MPRIP: variants seen among roughly 807,000 people sequenced by gnomAD.
MPRIP encodes myosin phosphatase Rho-interacting protein.
In MPRIP, 59 loss-of-function variants were observed where a neutral mutation model predicts 234.9. That is an observed-to-expected ratio of 0.25 (90% CI 0.20 to 0.31). The LOEUF (loss-of-function observed/expected upper bound fraction) is 0.31, where lower values mean the gene tolerates loss of function less well. Ranked by LOEUF, MPRIP falls within the 10% of genes least tolerant of loss-of-function variation. MPRIP has a pLI of 1.00. For synonymous variants in MPRIP, 1,144 were observed against 1,263.9 expected (o/e 0.91, Z 2.01); for missense variants, 2,436 against 3,071.0 (o/e 0.79, Z 4.89).
intron 12 of MPRIP, 83 bp downstream of exon 12, chr17:17,150,316 C>T: frequency 9.8e-7 from 1 of 1,018,746 alleles, no homozygotes; most frequent in Non-Finnish European, 1.5e-6. Flanking sequence ...GCTGGGGGCA[C>T]TTCTGGACAG....
chr17:17,105,430 G>A (rs911015014), intron 3 of MPRIP, among the ~76,000 whole-genome samples: 3 of 152,140 alleles, frequency 2.0e-5, no homozygotes, highest in African/African-American at 7.2e-5. Context: ...ACTGGGTGGG[G>A]ACCCCTCCAT....
At chr17:17,056,516 G>A (rs2088701970) in intron 1 of MPRIP, among the ~76,000 whole-genome samples, 1 of 152,202 alleles carries the variant, frequency 6.6e-6, no homozygotes, top group Non-Finnish European at 1.5e-5. Flanking sequence ...GGAGCCCAGT[G>A]GGAGTTGGGG....
chr17:17,077,879 C>G, intron 2 of MPRIP, 132 bp from the exon 3 acceptor site: 1 of 854,616 alleles, frequency 1.2e-6, no homozygotes, highest in Admixed American at 1.9e-5. Flanking sequence ...TTTCCTGCCA[C>G]CTGCCCCAGA....
intron 12 of MPRIP, 138 bp downstream of exon 12, chr17:17,150,371 C>G: frequency 1.6e-6 from 1 of 632,792 alleles, no homozygotes; most frequent in Non-Finnish European, 2.8e-6. Flanking sequence ...TTCCCACTAC[C>G]CTTGACACCT....
intron 11 of MPRIP, among the ~76,000 whole-genome samples, chr17:17,148,256 T>C (rs757489175): frequency 6.6e-6 from 1 of 152,214 alleles, no homozygotes; most frequent in Non-Finnish European, 1.5e-5. Flanking sequence ...TTTGGTTGCA[T>C]GTGCATAGAA....
rs2144061506 is a variant in MPRIP, at chr17:17,078,919, CTG to C, written c.267+845_267+846del. Among the ~76,000 whole-genome samples, 1 of 152,300 alleles carries C rather than the reference CTG, an allele frequency of 6.6e-6. No individual in the cohort carries two copies. The highest frequency in any genetic ancestry group is 1.9e-4 in the East Asian group (1 of 5,186). Reference sequence around the variant, plus strand: ...TATGTGCAGCATTTTAAAATTGGGACTGTCCTGGAAAGCCTAGTCTCACTATG... The same window carrying C: ...TATGTGCAGCATTTTAAAATTGGGACTCCTGGAAAGCCTAGTCTCACTATG... On this transcript the variant is annotated intron_variant, in intron 3 of 23. Coordinates refer to ENST00000651222, the MANE Select transcript of MPRIP (RefSeq NM_001364716.4). The surrounding 1 kb of genome is among the most constrained non-coding windows in gnomAD (Gnocchi z 4.3).
intron 23 of MPRIP, chr17:17,181,542 A>C (rs2144714467): frequency 6.6e-6 from 1 of 152,362 alleles, no homozygotes; most frequent in East Asian, 1.9e-4. Flanking sequence ...GCTTGATTGA[A>C]AACTTAGCTT....
intron 19 of MPRIP, 53 bp downstream of exon 19, chr17:17,174,128 G>A (rs898689250): frequency 4.6e-5 from 74 of 1,594,254 alleles, no homozygotes; most frequent in Non-Finnish European, 6.3e-5. Context: ...TCAAGGTCAG[G>A]TAGACCCATA....
intron 3 of MPRIP, among the ~76,000 whole-genome samples, chr17:17,095,288 C>A (rs2089813470): frequency 1.3e-5 from 2 of 152,136 alleles, no homozygotes; most frequent in African/African-American, 4.8e-5. Flanking sequence ...TGAGTGGCGA[C>A]CCTTCAGAAG....
At position 17,143,687 on chromosome 17, in the gene MPRIP, G is replaced by A. The variant is rs370041719; in HGVS notation, c.1503+18G>A. On this transcript the variant is annotated intron_variant, in intron 9 of 23. Coordinates refer to ENST00000651222, the MANE Select transcript of MPRIP (RefSeq NM_001364716.4). The stretch of plus-strand genomic sequence containing the variant: ...CCGTGACGGTGAGCCCAGGCGCCGC[G>A]TCCTCCGGAGGCCGTGCTCCTCTGC... 2.0e-5 allele frequency: 31 copies of A among 1,530,290 alleles called. No individual in the cohort carries two copies. The highest frequency in any genetic ancestry group is 9.6e-5 in the African/African-American group (7 of 72,664). The allele number at this position is 1,530,290 out of a possible 1,614,324, so 94.8% of individuals were successfully genotyped here.
chr17:17,047,044 G>A (rs192298110), intron 1 of MPRIP, among the ~76,000 whole-genome samples: 127 of 152,268 alleles, frequency 8.3e-4, no homozygotes, highest in Non-Finnish European at 1.3e-3. Context: ...TGGGTGTGGT[G>A]GCACATGCCT....
At chr17:17,136,576 C>T (rs999142565) in intron 6 of MPRIP, 126 bp downstream of exon 6, 1 of 922,702 alleles carries the variant, frequency 1.1e-6, no homozygotes. Context: ...TCCCTTTGTC[C>T]ATCAGCCCTG....
chr17:17,119,460 G>A (rs549375399), intron 3 of MPRIP, among the ~76,000 whole-genome samples: 1 of 152,366 alleles, frequency 6.6e-6, no homozygotes, highest in African/African-American at 2.4e-5. Flanking sequence ...AGGAGAGAGG[G>A]GCAAGGGTGC....
rs765381601 is a variant in MPRIP at position 17,167,743 on chromosome 17, C to G, written c.6152C>G (p.Pro2051Arg). Residue 2051 changes from proline (P) to arginine (R), a missense_variant, in exon 16 of 24, where the codon CCC (proline) becomes CGC (arginine). Physicochemically the swap from Pro to Arg is moderately radical, Grantham distance 103. Coordinates refer to ENST00000651222, the MANE Select transcript of MPRIP (RefSeq NM_001364716.4). The surrounding 1 kb of genome is among the most constrained non-coding windows in gnomAD (Gnocchi z 5.9). ...PHPKALPAPA[P>R]NWQATQGEAD... is the part of the protein sequence containing the mutation. ...CCCAAGGCCCTGCCAGCCCCTGCCC[C>G]CAACTGGCAGGCCACCCAGGGAGAG... is the stretch of plus-strand genomic sequence containing the variant. 1 of 1,304,238 alleles carries G rather than the reference C, an allele frequency of 7.7e-7. No individual in the cohort carries two copies. The highest frequency in any genetic ancestry group is 1.2e-5 in the South Asian group (1 of 81,022). The allele number at this position is 1,304,238 out of a possible 1,614,324, so 80.8% of individuals were successfully genotyped here.
chr17:17,065,896 CT>C lies in MPRIP; in HGVS notation c.124-9806del, dbSNP rs549099957. ...GTGTGGTATATACACCTAAGTATTTCTTTTTTTTGAAGCAATTTTAAGTGGT... is the reference window on the plus strand; with the variant it reads ...GTGTGGTATATACACCTAAGTATTTCTTTTTTTGAAGCAATTTTAAGTGGT... On this transcript the variant is annotated intron_variant, in intron 1 of 23. Coordinates refer to ENST00000651222, the MANE Select transcript of MPRIP (RefSeq NM_001364716.4). Among the ~76,000 whole-genome samples the C allele has an allele frequency of 2.8e-3, 421 of 152,018 alleles. 1 individual carries two copies. Among genetic ancestry groups the C allele is most frequent in the Non-Finnish European group, 5.1e-3 (346 of 67,960 alleles).
chr17:17,136,865 CAGA>C (rs1350976317), intron 6 of MPRIP, among the ~76,000 whole-genome samples: 1 of 152,108 alleles, frequency 6.6e-6, no homozygotes, highest in South Asian at 2.1e-4. Context: ...GGGCCCCTGG[CAGA>C]AGGAGGGGAA....
intron 23 of MPRIP, chr17:17,180,800 C>T (rs2046358244): frequency 2.1e-6 from 2 of 969,044 alleles, no homozygotes; most frequent in South Asian, 1.4e-5. Context: ...GTTTCTTTAA[C>T]CTGCTCTGGG....
intron 22 of MPRIP, among the ~76,000 whole-genome samples, chr17:17,179,322 C>T (rs1488433158): frequency 6.6e-5 from 10 of 152,132 alleles, no homozygotes; most frequent in Non-Finnish European, 1.5e-4. Flanking sequence ...TGGCACGCAC[C>T]TGTAGTCCCA....
intron 15 of MPRIP, among the ~76,000 whole-genome samples, chr17:17,161,779 C>T (rs561385338): frequency 1.3e-5 from 2 of 152,312 alleles, no homozygotes; most frequent in South Asian, 4.1e-4. Context: ...TGCCTGCTTA[C>T]AACCAACAGC....
Sources: gnomAD v4.1 joint callset for allele counts (sites outside exome capture counted in the v4.1 genomes callset) on GRCh38, gnomAD v4.1.1 for gene constraint, Gnocchi (gnomAD v3.1) non-coding constraint, MANE v1.5 for transcripts, NCBI Gene and HGNC (gene_info 2026-07-23, HGNC 2026-07-21) for gene names.